CYP19A1: variants seen among roughly 807,000 people sequenced by gnomAD.
CYP19A1 encodes the protein aromatase.
A neutral mutation model predicts 44.4 loss-of-function variants in CYP19A1; 32 were observed. That is an observed-to-expected ratio of 0.72 (90% CI 0.54 to 0.97). The LOEUF is 0.97. CYP19A1 is among the 50% of genes least tolerant of loss of function. CYP19A1 has a pLI of 0.00. For missense variants in CYP19A1, 598 were observed against 637.8 expected, an observed-to-expected ratio of 0.94 and a Z score of 0.67; for synonymous variants, 212 against 215.6, an observed-to-expected ratio of 0.98 and a Z score of 0.14.
intron 1 of CYP19A1, among the ~76,000 whole-genome samples, chr15:51,279,510 G>A (rs2035440843): frequency 6.6e-6 from 1 of 152,206 alleles, no homozygotes; most frequent in Admixed American, 6.5e-5. Context: ...AGAAAAGAAT[G>A]AAGACCTGGG....
Position 51,212,421 on chromosome 15 carries a change from C to T in CYP19A1, c.1162G>A (p.Val388Met). The change falls in exon 9 of 10, where the codon GTG becomes ATG. Residue 388 changes from valine to methionine, a missense_variant. By Grantham distance (21) the Val-to-Met change is conservative (BLOSUM62 1). Coordinates refer to ENST00000396402, the MANE Select transcript of CYP19A1 (RefSeq NM_000103.4). ...LEDDVIDGYP[V>M]KKGTNIILNI... ...AGGATAATGTTTGTCCCCTTTTTCA[C>T]TGGGTAGCCATCGATTACATCATCT... 2 of 1,607,300 alleles carry T rather than the reference C, an allele frequency of 1.2e-6. No individual in the cohort carries two copies. The highest frequency in any genetic ancestry group is 1.7e-6 in the Non-Finnish European group (2 of 1,173,768).
intron 6 of CYP19A1, 51 bp downstream of exon 6, chr15:51,218,490 A>C (rs1407342832): frequency 6.4e-7 from 1 of 1,571,074 alleles, no homozygotes; most frequent in Non-Finnish European, 8.6e-7. Flanking sequence ...ACACAAGGGA[A>C]AAAAACCAAT....
chr15:51,245,275 A>G (rs1174113654), intron 1 of CYP19A1, among the ~76,000 whole-genome samples: 1 of 152,234 alleles, frequency 6.6e-6, no homozygotes, highest in African/African-American at 2.4e-5. Flanking sequence ...AGTATGTCAT[A>G]AAGATCCCCG....
intron 2 of CYP19A1, chr15:51,242,134 C>T (rs1333150176): frequency 2.0e-5 from 3 of 153,772 alleles, no homozygotes; most frequent in East Asian, 4.0e-4. Flanking sequence ...TTTGATTGAA[C>T]CACAGATCTT....
At chr15:51,250,802 T>TC (rs1184519233) in intron 1 of CYP19A1, among the ~76,000 whole-genome samples, 1 of 151,566 alleles carries the variant, frequency 6.6e-6, no homozygotes, top group Non-Finnish European at 1.5e-5. Flanking sequence ...CAGCAGTCAT[T>TC]TTTCTAAGAG....
intron 1 of CYP19A1, among the ~76,000 whole-genome samples, chr15:51,301,192 G>C (rs533544813): frequency 2.0e-5 from 3 of 152,358 alleles, no homozygotes; most frequent in East Asian, 3.9e-4. Flanking sequence ...TGAAAGAACA[G>C]CTATATGAAG....
At chr15:51,322,516 G>C (rs1157058474) in intron 1 of CYP19A1, among the ~76,000 whole-genome samples, 1 of 152,116 alleles carries the variant, frequency 6.6e-6, no homozygotes, top group African/African-American at 2.4e-5. Flanking sequence ...TCATCATCCA[G>C]ATAATAAAAG....
intron 1 of CYP19A1, among the ~76,000 whole-genome samples, chr15:51,326,830 C>T (rs1284388933): frequency 2.0e-5 from 3 of 152,142 alleles, no homozygotes; most frequent in African/African-American, 4.8e-5. Flanking sequence ...TTTTTAACTT[C>T]GTGGTGTATC....
At chr15:51,250,586 T>A (rs1248603107) in intron 1 of CYP19A1, among the ~76,000 whole-genome samples, 1 of 152,218 alleles carries the variant, frequency 6.6e-6, no homozygotes, top group Non-Finnish European at 1.5e-5. Flanking sequence ...AATGACTGTT[T>A]TAAAAGACTT....
At chr15:51,271,276 G>A (rs1028276064) in intron 1 of CYP19A1, among the ~76,000 whole-genome samples, 2 of 151,996 alleles carry the variant, frequency 1.3e-5, no homozygotes, top group Non-Finnish European at 2.9e-5. Flanking sequence ...GCACCTGTGG[G>A]AGCAATACCC....
At chr15:51,238,052 G>A (rs965494849) in intron 2 of CYP19A1, among the ~76,000 whole-genome samples, 5 of 152,202 alleles carry the variant, frequency 3.3e-5, no homozygotes, top group Admixed American at 1.3e-4. Context: ...ATCTGAATTG[G>A]ATGTTTAATC....
chr15:51,275,087 T>A (rs997502863), intron 1 of CYP19A1, among the ~76,000 whole-genome samples: 2 of 152,190 alleles, frequency 1.3e-5, no homozygotes, highest in Non-Finnish European at 2.9e-5. Flanking sequence ...AGTCCCTAAC[T>A]GTTGTGGCCC....
In CYP19A1 at chr15:51,297,817, GACACACACACAC is replaced by G. The variant is rs1159870053; in HGVS notation, c.-39+40666_-39+40677del. Among the ~76,000 whole-genome samples, 166 of 111,788 alleles carry G rather than the reference GACACACACACAC, an allele frequency of 1.5e-3. 2 individuals are homozygous for G. Among genetic ancestry groups the G allele is most frequent in the South Asian group, 0.015 (39 of 2,644 alleles). The allele number at this position is 111,788 out of a possible 152,430, so 73.3% of individuals were successfully genotyped here. ...TTCTGGAGAGATTCACTGTAGGCAT[GACACACACACAC>G]ACACACACACACACACACACACACA... is the stretch of plus-strand genomic sequence containing the variant. On this transcript the variant is annotated intron_variant, in intron 1 of 9. Transcript: ENST00000396402.
rs114320799 is a variant in CYP19A1 at position 51,303,018 on chromosome 15, C to T, written c.-39+35477G>A. Among the ~76,000 whole-genome samples the T allele has an allele frequency of 8.4e-3, 1,274 of 152,300 alleles. 20 individuals carry two copies. Among genetic ancestry groups the T allele is most frequent in the African/African-American group, 0.029 (1,199 of 41,558 alleles). ...GCTTCTTCCTGAGGCTAGTAATTTC[C>T]CTTCCCTCTTGGTCTCCCAACCCTG... On this transcript the variant is annotated intron_variant, in intron 1 of 9. Transcript: ENST00000396402.
At chr15:51,265,664 TA>T in intron 1 of CYP19A1, among the ~76,000 whole-genome samples, 1 of 152,330 alleles carries the variant, frequency 6.6e-6, no homozygotes, top group African/African-American at 2.4e-5. Context: ...TGTCTTTATT[TA>T]AAATTTTGGA....
chr15:51,297,690 C>T (rs2036023787), intron 1 of CYP19A1, among the ~76,000 whole-genome samples: 1 of 152,068 alleles, frequency 6.6e-6, no homozygotes, highest in Admixed American at 6.6e-5. Flanking sequence ...GTAGGGGTAT[C>T]TTGTTTCTAG....
intron 2 of CYP19A1, among the ~76,000 whole-genome samples, chr15:51,237,212 G>T (rs917867554): frequency 6.6e-6 from 1 of 152,160 alleles, no homozygotes; most frequent in African/African-American, 2.4e-5. Context: ...ACTTCTCCAT[G>T]AGTAAAAAGG....
At chr15:51,240,068 C>A (rs1466465022) in intron 2 of CYP19A1, among the ~76,000 whole-genome samples, 1 of 6,354 alleles carries the variant, frequency 1.6e-4, no homozygotes. Context: ...CCTCCCCCGG[C>A]CACTCCCCCT....
intron 3 of CYP19A1, among the ~76,000 whole-genome samples, chr15:51,233,286 G>A (rs1012085318): frequency 2.0e-5 from 3 of 152,158 alleles, no homozygotes; most frequent in African/African-American, 7.2e-5. Flanking sequence ...TTTCAGCACT[G>A]AAAGTCCCAC....
Sources: allele counts gnomAD v4.1 joint callset (sites outside exome capture counted in the v4.1 genomes callset), GRCh38; gene constraint gnomAD v4.1.1; transcripts MANE v1.5; gene names NCBI Gene and HGNC (gene_info 2026-07-23, HGNC 2026-07-21).